SCARA5: variants seen among roughly 807,000 people sequenced by gnomAD.
The protein encoded by SCARA5 is scavenger receptor class A, member 5 (putative).
In SCARA5, 45 loss-of-function variants were observed where a neutral mutation model predicts 46.3. The observed-to-expected ratio is 0.97, with a 90% CI of 0.76 to 1.24. The LOEUF (loss-of-function observed/expected upper bound fraction) is 1.24. Among genes scored for constraint, SCARA5 ranks in the 50% most tolerant of loss-of-function variants. The probability of loss-of-function intolerance (pLI) is 0.00; values close to 1 mark genes in which losing one functional copy is unlikely to be tolerated. For missense variants in SCARA5, 680 were observed against 689.0 expected, an observed-to-expected ratio of 0.99 and a Z score of 0.15; for synonymous variants, 333 against 306.5, an observed-to-expected ratio of 1.09 and a Z score of -0.90.
intron 1 of SCARA5, among the ~76,000 whole-genome samples, chr8:27,989,834 C>A (rs1475994338): frequency 1.3e-5 from 2 of 152,240 alleles, no homozygotes; most frequent in Non-Finnish European, 2.9e-5. Context: ...GGGCCGCGGG[C>A]AGCTCCAGCA....
At position 27,871,853 on chromosome 8, in the gene SCARA5, G is replaced by T. The variant is rs994185899; in HGVS notation, c.*81C>A. The stretch of plus-strand genomic sequence containing the variant: ...CGGGGTGTGGTCGAGGCATGGTCAG[G>T]GTGGCCCCGAGCTGTGCCCCACCCC... On this transcript the variant is annotated 3_prime_UTR_variant, in exon 9 of 9. Transcript: ENST00000354914. 1.5e-5 allele frequency: 24 copies of T among 1,600,738 alleles called. No individual in the cohort carries two copies. Among genetic ancestry groups the T allele is most frequent in the Non-Finnish European group, 1.9e-5 (22 of 1,173,458 alleles).
chr8:27,899,720 C>T (rs1807120521), intron 7 of SCARA5, among the ~76,000 whole-genome samples: 1 of 152,224 alleles, frequency 6.6e-6, no homozygotes. Flanking sequence ...TCTTACATCC[C>T]AAACCCTTGC....
chr8:27,966,618 A>G (rs1458903476), intron 2 of SCARA5, 76 bp from the exon 3 acceptor site: 5 of 1,452,760 alleles, frequency 3.4e-6, no homozygotes, highest in South Asian at 2.7e-5. Context: ...TTTTGGTCTC[A>G]TCTCTCCCTG....
chr8:27,989,550 G>A (rs189483558), intron 1 of SCARA5, among the ~76,000 whole-genome samples: 5 of 152,286 alleles, frequency 3.3e-5, no homozygotes, highest in Middle Eastern at 3.4e-3. Flanking sequence ...AGGGCTGGAC[G>A]CCTCTGCTGT....
intron 4 of SCARA5, 73 bp downstream of exon 4, chr8:27,921,498 T>G: frequency 7.5e-7 from 1 of 1,334,420 alleles, no homozygotes; most frequent in Non-Finnish European, 1.0e-6. Flanking sequence ...CCTGGGTCCT[T>G]GGGGAGGGGC....
chr8:27,872,128 G>C (rs537353086), intron 8 of SCARA5, 58 bp from the exon 9 acceptor site: 18 of 1,589,958 alleles, frequency 1.1e-5, no homozygotes, highest in Non-Finnish European at 1.1e-5. Flanking sequence ...AGAAGGAGAA[G>C]AGAGAGCATA....
intron 2 of SCARA5, among the ~76,000 whole-genome samples, chr8:27,986,036 T>C (rs1808700540): frequency 6.6e-6 from 1 of 152,174 alleles, no homozygotes; most frequent in East Asian, 1.9e-4. Context: ...AGGCTGGCCC[T>C]GATAGTCCTC....
intron 3 of SCARA5, among the ~76,000 whole-genome samples, chr8:27,936,610 A>AAAAAAAAAAAAAG (rs1807861973): frequency 6.7e-6 from 1 of 149,084 alleles, no homozygotes; most frequent in African/African-American, 2.5e-5. Flanking sequence ...AAAAAAAAAA[A>AAAAAAAAAAAAAG]AGGTGGGGAT....
At chr8:27,901,026 G>A (rs1163897316) in intron 7 of SCARA5, among the ~76,000 whole-genome samples, 2 of 151,974 alleles carry the variant, frequency 1.3e-5, no homozygotes, top group African/African-American at 4.8e-5. Flanking sequence ...CGAGAGAGAG[G>A]AATGGGTCTG....
chr8:27,928,932 G>A (rs560693170), intron 3 of SCARA5, among the ~76,000 whole-genome samples: 3 of 152,146 alleles, frequency 2.0e-5, no homozygotes, highest in Non-Finnish European at 2.9e-5. Flanking sequence ...GATTACAGGC[G>A]TGAGCCACCA....
chr8:27,988,938 G>A (rs545624307), intron 1 of SCARA5, among the ~76,000 whole-genome samples: 1 of 152,130 alleles, frequency 6.6e-6, no homozygotes, highest in East Asian at 1.9e-4. Context: ...AGGTGGCAGT[G>A]GGGGGACAAT....
At chr8:27,980,523 G>A (rs1384554265) in intron 2 of SCARA5, among the ~76,000 whole-genome samples, 1 of 152,154 alleles carries the variant, frequency 6.6e-6, no homozygotes, top group Non-Finnish European at 1.5e-5. Context: ...CCTAGGGCTG[G>A]GGCTTTGGCT....
chr8:27,897,671 A>G (rs1434703968), intron 7 of SCARA5, among the ~76,000 whole-genome samples: 1 of 116,394 alleles, frequency 8.6e-6, no homozygotes, highest in Admixed American at 9.0e-5. Flanking sequence ...AAGTGGAGAC[A>G]CAGCAGGCAA....
intron 4 of SCARA5, 65 bp downstream of exon 4, chr8:27,921,506 G>A: frequency 1.4e-6 from 2 of 1,380,716 alleles, no homozygotes; most frequent in Non-Finnish European, 9.7e-7. Context: ...CTTGGGGAGG[G>A]GCGTGCAGGA....
intron 3 of SCARA5, 145 bp downstream of exon 3, chr8:27,966,269 A>G: frequency 1.2e-6 from 1 of 810,504 alleles, no homozygotes; most frequent in African/African-American, 1.7e-5. Context: ...AAGCAATACT[A>G]CTGAAGAGCT....
intron 3 of SCARA5, among the ~76,000 whole-genome samples, chr8:27,936,741 G>T (rs1001138785): frequency 6.6e-6 from 1 of 152,090 alleles, no homozygotes; most frequent in Admixed American, 6.6e-5. Context: ...AACACACACC[G>T]TGCAGTGGCC....
rs767784009 is a variant in SCARA5, at chr8:27,907,221, T to C, written c.1023A>G (p.Pro341=). 6.2e-7 allele frequency: 1 copy of C among 1,613,568 alleles called. No individual in the cohort carries two copies. Among genetic ancestry groups the C allele is most frequent in the Admixed American group, 1.7e-5 (1 of 59,960 alleles). ...LRGLPGERGT[P]GLPGPKGDDG... Reference sequence around the variant, plus strand: ...CATCGCCCTTGGGCCCGGGCAATCCTGGGGTACCTCTCTCCCCGGGCAGAC... The same window carrying C: ...CATCGCCCTTGGGCCCGGGCAATCCCGGGGTACCTCTCTCCCCGGGCAGAC... Residue 341 remains proline (P), a synonymous_variant, in exon 6 of 9, where the codon CCA becomes CCG. Coordinates refer to ENST00000354914, the MANE Select transcript of SCARA5 (RefSeq NM_173833.6).
intron 1 of SCARA5, among the ~76,000 whole-genome samples, chr8:27,988,198 C>T (rs1049357840): frequency 6.6e-6 from 1 of 152,178 alleles, no homozygotes; most frequent in Non-Finnish European, 1.5e-5. Flanking sequence ...AGGAGCTTGG[C>T]TCAGTAGGAC....
chr8:27,939,196 T>C (rs1807904270), intron 3 of SCARA5, among the ~76,000 whole-genome samples: 1 of 152,214 alleles, frequency 6.6e-6, no homozygotes, highest in Non-Finnish European at 1.5e-5. Flanking sequence ...GAACATTAAA[T>C]GTATATGACA....
Sources: gnomAD v4.1 joint callset for allele counts (sites outside exome capture counted in the v4.1 genomes callset) on GRCh38, gnomAD v4.1.1 for gene constraint, MANE v1.5 for transcripts, NCBI Gene and HGNC (gene_info 2026-07-23, HGNC 2026-07-21) for gene names.